ESM1: variants seen among roughly 807,000 people sequenced by gnomAD.
The protein encoded by ESM1 is endothelial cell-specific molecule 1.
Under a neutral mutation model 14.9 loss-of-function variants are expected in ESM1, and 7 were observed. That is an observed-to-expected ratio of 0.47 (90% CI 0.27 to 0.88). The LOEUF (loss-of-function observed/expected upper bound fraction) is 0.88. ESM1 is among the 40% of genes least tolerant of loss of function. The pLI is 0.14. For missense variants in ESM1, 192 were observed against 237.9 expected, an observed-to-expected ratio of 0.81 and a Z score of 1.27; for synonymous variants, 89 against 89.4, an observed-to-expected ratio of 1.00 and a Z score of 0.02.
chr5:54,981,972 T>A, intron 2 of ESM1, 25 bp downstream of exon 2: 1 of 1,606,296 alleles, frequency 6.2e-7, no homozygotes, highest in African/African-American at 1.3e-5. Flanking sequence ...ATTCTTCCAA[T>A]GCTTATACCA....
Position 54,979,010 on chromosome 5 carries a change from C to T in ESM1, c.*322G>A, listed in dbSNP as rs138587249. 497 of 205,210 alleles carry T rather than the reference C, an allele frequency of 2.4e-3. 2 individuals are homozygous for T. The highest frequency in any genetic ancestry group is 0.011 in the African/African-American group (475 of 42,914). 12.7% of individuals were successfully genotyped at this position (205,210 alleles called of 1,614,324 possible). ...TAATTTGACTCACTGCGGTCTTCAG[C>T]TTTGCCTAGCTCCCTCTTTGGTTGA... On this transcript the variant is annotated 3_prime_UTR_variant, in exon 3 of 3. Transcript: ENST00000381405.
Position 54,985,513 on chromosome 5 carries a change from T to G in ESM1, c.5A>C (p.Lys2Thr), listed in dbSNP as rs752358144. The change falls in exon 1 of 3, where the codon AAG (lysine) becomes ACG (threonine). Residue 2 changes from lysine to threonine, a missense_variant. By Grantham distance (78) the Lys-to-Thr change is moderately conservative. Transcript: ENST00000381405. ...GAGCGTGGTCAGCAGCAAGACGCTC[T>G]TCATGTTTCCCAGCTGCCTCCGGCT... M[K>T]SVLLLTTLLV... 1 of 1,590,584 alleles carries G rather than the reference T, an allele frequency of 6.3e-7. No individual in the cohort carries two copies. Among genetic ancestry groups the G allele is most frequent in the Admixed American group, 1.7e-5 (1 of 59,460 alleles).
At position 54,985,525 on chromosome 5, in the gene ESM1, A is replaced by T; in HGVS notation, c.-8T>A. The T allele has an allele frequency of 6.3e-7, 1 of 1,581,940 alleles. No individual in the cohort carries two copies. On this transcript the variant is annotated 5_prime_UTR_variant, in exon 1 of 3. Transcript: ENST00000381405. Reference sequence around the variant, plus strand: ...CAGCAAGACGCTCTTCATGTTTCCCAGCTGCCTCCGGCTCGGCTCTCCAGT... The same window carrying T: ...CAGCAAGACGCTCTTCATGTTTCCCTGCTGCCTCCGGCTCGGCTCTCCAGT...
intron 1 of ESM1, among the ~76,000 whole-genome samples, chr5:54,982,887 A>G (rs1484236551): frequency 1.3e-5 from 2 of 152,202 alleles, no homozygotes; most frequent in Non-Finnish European, 2.9e-5. Context: ...CAGTGCTTAC[A>G]CTTATGCCAA....
intron 2 of ESM1, 49 bp from the exon 3 acceptor site, chr5:54,979,484 G>C: frequency 8.0e-7 from 1 of 1,251,216 alleles, no homozygotes; most frequent in Non-Finnish European, 1.2e-6. Flanking sequence ...ATAGCTCAAA[G>C]ACAACACAGT....
chr5:54,980,981 A>G (rs905601926), intron 2 of ESM1, among the ~76,000 whole-genome samples: 44 of 152,278 alleles, frequency 2.9e-4, no homozygotes, highest in African/African-American at 1.0e-3. Context: ...CTCTGTGACT[A>G]TATGTTGGGC....
At chr5:54,983,865 G>A (rs567516844) in intron 1 of ESM1, among the ~76,000 whole-genome samples, 3 of 152,264 alleles carry the variant, frequency 2.0e-5, no homozygotes, top group African/African-American at 4.8e-5. Flanking sequence ...TATATCATAA[G>A]TATGATTGTG....
rs1413475300 is a variant in ESM1 at position 54,978,609 on chromosome 5, A to C, written c.*723T>G. ...AGTGGGTAAAATACTTCTTAGATTT[A>C]TCTCTGAGGTGGCATACGTTAAAGC... is the stretch of plus-strand genomic sequence containing the variant. On this transcript the variant is annotated 3_prime_UTR_variant, in exon 3 of 3. Coordinates refer to ENST00000381405, the MANE Select transcript of ESM1 (RefSeq NM_007036.5). The C allele has an allele frequency of 2.6e-5, 4 of 152,558 alleles. No individual in the cohort carries two copies. The highest frequency in any genetic ancestry group is 9.7e-5 in the African/African-American group (4 of 41,444). The allele number at this position is 152,558 out of a possible 1,614,324, so 9.5% of individuals were successfully genotyped here.
chr5:54,985,452 A>T lies in ESM1; in HGVS notation c.66T>A (p.Asn22Lys). Residue 22 changes from asparagine (N) to lysine (K), a missense_variant, in exon 1 of 3, where the codon AAT becomes AAA. By Grantham distance (94) the Asn-to-Lys change is moderately conservative. Transcript: ENST00000381405. ...VPAHLVAAWS[N>K]NYAVDCPQHC... ...GTTGAGGGCAGTCCACCGCATAATTATTGCTCCAGGCGGCCACCAGGTGTG... is the reference window on the plus strand; with the variant it reads ...GTTGAGGGCAGTCCACCGCATAATTTTTGCTCCAGGCGGCCACCAGGTGTG... The T allele has an allele frequency of 6.2e-7, 1 of 1,612,664 alleles. No individual in the cohort carries two copies. The highest frequency in any genetic ancestry group is 8.5e-7 in the Non-Finnish European group (1 of 1,178,884).
rs1740513180 is a variant in ESM1 at position 54,985,326 on chromosome 5, A to T, written c.192T>A (p.Thr64=). The T allele has an allele frequency of 1.2e-6, 2 of 1,614,042 alleles. No homozygotes were observed. Among genetic ancestry groups the T allele is most frequent in the Non-Finnish European group, 1.7e-6 (2 of 1,180,038 alleles). Residue 64 remains threonine, a synonymous_variant, in exon 1 of 3, where the codon ACT becomes ACA. Coordinates refer to ENST00000381405, the MANE Select transcript of ESM1 (RefSeq NM_007036.5). ...CRVCAAGRGE[T]CYRTVSGMDG... ...CCATGCCTGAGACTGTGCGGTAGCA[A>T]GTTTCTCCCCGCCCTGCAGCGCACA...
rs1744065668 is a variant in ESM1, at chr5:54,982,137, T to C, written c.311A>G (p.Tyr104Cys). The change falls in exon 2 of 3, where the codon TAC (tyrosine) becomes TGC (cysteine). Residue 104 changes from tyrosine (Y) to cysteine (C), a missense_variant. By Grantham distance (194) the Tyr-to-Cys change is radical. Coordinates refer to ENST00000381405, the MANE Select transcript of ESM1 (RefSeq NM_007036.5). Reference protein sequence around the residue: ...EEFGICKDCPYGTFGMDCRET... With the variant: ...EEFGICKDCPCGTFGMDCRET... ...TCTGCAATCCATCCCGAAGGTGCCG[T>C]AGGGACAGTCTGGGGACAAAGGAAA... 1 of 1,614,008 alleles carries C rather than the reference T, an allele frequency of 6.2e-7. No individual in the cohort carries two copies. Among genetic ancestry groups the C allele is most frequent in the Admixed American group, 1.7e-5 (1 of 60,008 alleles).
chr5:54,982,078 T>C lies in ESM1; in HGVS notation c.370A>G (p.Arg124Gly). Reference protein sequence around the residue: ...TCNCQSGICDRGTGKCLKFPF... With the variant: ...TCNCQSGICDGGTGKCLKFPF... The stretch of plus-strand genomic sequence containing the variant: ...AATTTCAGGCATTTTCCCGTCCCCC[T>C]GTCACAGATGCCTGACTGGCAGTTG... Residue 124 changes from arginine (R) to glycine (G), a missense_variant, in exon 2 of 3, where the codon AGG (arginine) becomes GGG (glycine). Coordinates refer to ENST00000381405, the MANE Select transcript of ESM1 (RefSeq NM_007036.5). 2 of 1,614,094 alleles carry C rather than the reference T, an allele frequency of 1.2e-6. No homozygotes were observed. The highest frequency in any genetic ancestry group is 1.7e-6 in the Non-Finnish European group (2 of 1,179,924).
chr5:54,985,202 GGGGTCACT>G lies in ESM1; in HGVS notation c.301+7_301+14del. ...GCATGCCCCGGGAGGGGAGAGGTAAGGGGTCACTCTTTACCTTTGCAGATACCAAACTC... is the reference window on the plus strand; with the variant it reads ...GCATGCCCCGGGAGGGGAGAGGTAAGCTTTACCTTTGCAGATACCAAACTC... On this transcript the variant is annotated splice_region_variant and intron_variant, in intron 1 of 2. Transcript: ENST00000381405. 1 of 1,584,114 alleles carries G rather than the reference GGGGTCACT, an allele frequency of 6.3e-7. No individual in the cohort carries two copies. The highest frequency in any genetic ancestry group is 8.6e-7 in the Non-Finnish European group (1 of 1,159,250).
At chr5:54,980,399 C>T (rs1176276948) in intron 2 of ESM1, among the ~76,000 whole-genome samples, 1 of 152,094 alleles carries the variant, frequency 6.6e-6, no homozygotes, top group Non-Finnish European at 1.5e-5. Context: ...GGAGTGAAGC[C>T]CAAGCCTTCT....
Position 54,982,065 on chromosome 5 carries a change from T to C in ESM1, c.383A>G (p.Lys128Arg). 1 of 1,614,148 alleles carries C rather than the reference T, an allele frequency of 6.2e-7. No individual in the cohort carries two copies. Among genetic ancestry groups the C allele is most frequent in the Non-Finnish European group, 8.5e-7 (1 of 1,179,990 alleles). Residue 128 changes from lysine (K) to arginine (R), a missense_variant, in exon 2 of 3, where the codon AAA becomes AGA. Transcript: ENST00000381405. Reference sequence around the variant, plus strand: ...TTGGAAGAAGGGGAATTTCAGGCATTTTCCCGTCCCCCTGTCACAGATGCC... The same window carrying C: ...TTGGAAGAAGGGGAATTTCAGGCATCTTCCCGTCCCCCTGTCACAGATGCC... Reference protein sequence around the residue: ...QSGICDRGTGKCLKFPFFQYS... With the variant: ...QSGICDRGTGRCLKFPFFQYS...
In ESM1 at chr5:54,979,403, C is replaced by T. The variant is rs1561243244; in HGVS notation, c.484G>A (p.Val162Met). ...TTCTCTTTCACAACTTCTTCTCTCA[C>T]AATATTGCCATCTCCAGATGCCATG... ...HDMASGDGNI[V>M]REEVVKENAA... Residue 162 changes from valine to methionine, a missense_variant, in exon 3 of 3, where the codon GTG becomes ATG. Physicochemically the swap from Val to Met is conservative, Grantham distance 21 (BLOSUM62 1). Coordinates refer to ENST00000381405, the MANE Select transcript of ESM1 (RefSeq NM_007036.5). The T allele has an allele frequency of 1.2e-6, 2 of 1,613,654 alleles. No individual in the cohort carries two copies. Among genetic ancestry groups the T allele is most frequent in the African/African-American group, 1.3e-5 (1 of 75,016 alleles).
At chr5:54,981,869 C>A in intron 2 of ESM1, 128 bp downstream of exon 2, 3 of 965,314 alleles carry the variant, frequency 3.1e-6, no homozygotes, top group South Asian at 1.8e-5. Context: ...ACCCACCGTT[C>A]CCCTGAGTAA....
At chr5:54,983,163 T>C (rs975780836) in intron 1 of ESM1, among the ~76,000 whole-genome samples, 4 of 152,198 alleles carry the variant, frequency 2.6e-5, no homozygotes, top group African/African-American at 9.7e-5. Context: ...ATGAGCTATC[T>C]TTTTTTAAAG....
At position 54,985,207 on chromosome 5, in the gene ESM1, C is replaced by T. The variant is rs189667666; in HGVS notation, c.301+10G>A. The stretch of plus-strand genomic sequence containing the variant: ...CCCCGGGAGGGGAGAGGTAAGGGGT[C>T]ACTCTTTACCTTTGCAGATACCAAA... On this transcript the variant is annotated intron_variant, in intron 1 of 2. Transcript: ENST00000381405. 1,878 of 1,587,446 alleles carry T rather than the reference C, an allele frequency of 1.2e-3. 2 individuals carry two copies. The highest frequency in any genetic ancestry group is 1.7e-3 in the Middle Eastern group (10 of 5,992).
Sources: allele counts gnomAD v4.1 joint callset (sites outside exome capture counted in the v4.1 genomes callset), GRCh38; gene constraint gnomAD v4.1.1; transcripts MANE v1.5; gene names NCBI Gene and HGNC (gene_info 2026-07-23, HGNC 2026-07-21).